Variants in FBXL7 observed in about 807,000 individuals in gnomAD.
FBXL7 encodes the protein F-box and leucine rich repeat protein 7, also known as F-box/LRR-repeat protein 7.
FBXL7 carries 12 observed loss-of-function variants against 38.3 expected under a neutral mutation model. The observed-to-expected ratio is 0.31, with a 90% CI of 0.20 to 0.51. The LOEUF (loss-of-function observed/expected upper bound fraction) is 0.51. Among genes scored for constraint, FBXL7 ranks in the 20% least tolerant of loss-of-function variants. The pLI, the probability that FBXL7 is intolerant of heterozygous loss-of-function variation, is 0.98. For missense variants in FBXL7, 567 were observed against 676.4 expected (o/e 0.84, Z 1.79); for synonymous variants, 297 against 300.9 (o/e 0.99, Z 0.13).
Position 15,838,604 on chromosome 5 carries a change from C to G in FBXL7, c.128-89286C>G, listed in dbSNP as rs1215418861. ...ATCCTCGTTGCTGAATGTAAAAGATCTGCAAGGATTTGTTTCTTTATATCA... is the reference window on the plus strand; with the variant it reads ...ATCCTCGTTGCTGAATGTAAAAGATGTGCAAGGATTTGTTTCTTTATATCA... On this transcript the variant is annotated intron_variant, in intron 2 of 3. Transcript: ENST00000504595. Among the ~76,000 whole-genome samples the G allele has an allele frequency of 3.3e-5, 5 of 152,192 alleles. No individual in the cohort carries two copies. In the South Asian group the frequency reaches 6.2e-4, roughly 19 times the overall value.
At chr5:15,567,720 A>G (rs1023082266) in intron 1 of FBXL7, among the ~76,000 whole-genome samples, 7 of 151,874 alleles carry the variant, frequency 4.6e-5, no homozygotes, top group Non-Finnish European at 7.4e-5. Flanking sequence ...AACATTAGGT[A>G]TATCTCCTAA....
rs116029241 is a variant in FBXL7, at chr5:15,632,938, C to T, written c.127+16866C>T. Among the ~76,000 whole-genome samples the T allele has an allele frequency of 2.5e-3, 381 of 152,232 alleles. 1 individual carries two copies. The highest frequency in any genetic ancestry group is 8.6e-3 in the African/African-American group (358 of 41,548). ...TACTAAGATCAGTCATATCCCAAAC[C>T]TGAACATCACACAATATACCCAAGT... On this transcript the variant is annotated intron_variant, in intron 2 of 3. Coordinates refer to ENST00000504595, the MANE Select transcript of FBXL7 (RefSeq NM_012304.5).
At chr5:15,613,005 AGTTTT>A (rs1326701770) in intron 1 of FBXL7, among the ~76,000 whole-genome samples, 2 of 152,188 alleles carry the variant, frequency 1.3e-5, no homozygotes, top group Non-Finnish European at 2.9e-5. Flanking sequence ...ATTTTGTTTT[AGTTTT>A]ATTATTGAAT....
intron 1 of FBXL7, among the ~76,000 whole-genome samples, chr5:15,550,671 C>T (rs932973063): frequency 2.6e-5 from 4 of 152,234 alleles, no homozygotes; most frequent in Non-Finnish European, 5.9e-5. Flanking sequence ...CTGCTTTAAA[C>T]CTTTGTATTT....
intron 2 of FBXL7, among the ~76,000 whole-genome samples, chr5:15,665,390 AC>A (rs1742236492): frequency 6.6e-6 from 1 of 152,118 alleles, no homozygotes; most frequent in Non-Finnish European, 1.5e-5. Flanking sequence ...ACCTATCTAT[AC>A]GGTGGCCACT....
At chr5:15,834,302 G>A (rs951212062) in intron 2 of FBXL7, among the ~76,000 whole-genome samples, 8 of 152,162 alleles carry the variant, frequency 5.3e-5, no homozygotes, top group African/African-American at 1.7e-4. Context: ...GATGTTACAT[G>A]TTAATATGCA....
intron 2 of FBXL7, among the ~76,000 whole-genome samples, chr5:15,912,984 A>T (rs1741478954): frequency 6.6e-6 from 1 of 152,168 alleles, no homozygotes; most frequent in Non-Finnish European, 1.5e-5. Context: ...AGAGAAATTA[A>T]ACAATGTTTA....
intron 2 of FBXL7, among the ~76,000 whole-genome samples, chr5:15,670,737 G>A (rs1742438929): frequency 6.6e-6 from 1 of 152,132 alleles, no homozygotes; most frequent in East Asian, 1.9e-4. Flanking sequence ...AGAGGTGGAG[G>A]TTGCAGTGAG....
At chr5:15,661,822 T>A (rs114043881) in intron 2 of FBXL7, among the ~76,000 whole-genome samples, 2,237 of 152,294 alleles carry the variant, frequency 0.015, 32 homozygotes, top group Middle Eastern at 0.037. Context: ...AAGGATATAT[T>A]ATGCCTCCAC....
chr5:15,729,231 C>A (rs1410181601), intron 2 of FBXL7, among the ~76,000 whole-genome samples: 1 of 152,024 alleles, frequency 6.6e-6, no homozygotes, highest in Non-Finnish European at 1.5e-5. Flanking sequence ...TGATCCGTGC[C>A]TTCATATATT....
At chr5:15,621,821 T>C (rs1389970226) in intron 2 of FBXL7, among the ~76,000 whole-genome samples, 1 of 152,244 alleles carries the variant, frequency 6.6e-6, no homozygotes, top group Non-Finnish European at 1.5e-5. Context: ...TTCTACACAT[T>C]GGTTATCAAA....
At position 15,928,640 on chromosome 5, in the gene FBXL7, C is replaced by A; in HGVS notation, c.739+139C>A. On this transcript the variant is annotated intron_variant, in intron 3 of 3. Transcript: ENST00000504595. The surrounding 1 kb of genome is among the most constrained non-coding windows in gnomAD (Gnocchi z 4.0). ...CGGGTGGTAGGGAGGCTGGCTTTTG[C>A]AGAGAAACTGTCTCTATGGAATCAT... is the stretch of plus-strand genomic sequence containing the variant. 1.9e-6 allele frequency: 2 copies of A among 1,068,584 alleles called. No individual in the cohort carries two copies. Among genetic ancestry groups the A allele is most frequent in the Non-Finnish European group, 2.7e-6 (2 of 748,614 alleles). The allele number at this position is 1,068,584 out of a possible 1,614,324, so 66.2% of individuals were successfully genotyped here.
chr5:15,932,421 G>C (rs1232579437), intron 3 of FBXL7, among the ~76,000 whole-genome samples: 1 of 152,126 alleles, frequency 6.6e-6, no homozygotes, highest in Admixed American at 6.5e-5. Context: ...GAGAGGAAGT[G>C]GTAATAAAGA....
At chr5:15,683,291 G>C (rs1742909954) in intron 2 of FBXL7, among the ~76,000 whole-genome samples, 1 of 152,152 alleles carries the variant, frequency 6.6e-6, no homozygotes, top group African/African-American at 2.4e-5. Flanking sequence ...AGTATATTTA[G>C]ATTCTCTTGG....
intron 1 of FBXL7, among the ~76,000 whole-genome samples, chr5:15,604,270 T>C (rs1445184870): frequency 6.6e-6 from 1 of 152,220 alleles, no homozygotes; most frequent in Non-Finnish European, 1.5e-5. Context: ...TTGATTTTAA[T>C]TGAGATTTTT....
intron 2 of FBXL7, among the ~76,000 whole-genome samples, chr5:15,843,535 G>A (rs1738806497): frequency 1.3e-5 from 2 of 152,284 alleles, no homozygotes; most frequent in South Asian, 4.1e-4. Context: ...AAGCCCCATA[G>A]TCTAAGAATG....
intron 2 of FBXL7, among the ~76,000 whole-genome samples, chr5:15,775,946 C>T (rs182215946): frequency 1.6e-4 from 25 of 152,170 alleles, no homozygotes; most frequent in African/African-American, 5.1e-4. Context: ...GAAGAGACTA[C>T]GTTTTTAACT....
At chr5:15,608,689 A>G (rs1740115444) in intron 1 of FBXL7, among the ~76,000 whole-genome samples, 3 of 152,244 alleles carry the variant, frequency 2.0e-5, no homozygotes, top group African/African-American at 7.2e-5. Flanking sequence ...ACTAAGAAAA[A>G]GAAATTCTGC....
At chr5:15,753,442 C>T (rs985063022) in intron 2 of FBXL7, among the ~76,000 whole-genome samples, 3 of 152,148 alleles carry the variant, frequency 2.0e-5, no homozygotes, top group African/African-American at 7.2e-5. Context: ...TGTGAGCATA[C>T]ATCAAAGGCT....
Sources: gnomAD v4.1 joint callset for allele counts (sites outside exome capture counted in the v4.1 genomes callset) on GRCh38, gnomAD v4.1.1 for gene constraint, Gnocchi (gnomAD v3.1) non-coding constraint, MANE v1.5 for transcripts, NCBI Gene and HGNC (gene_info 2026-07-23, HGNC 2026-07-21) for gene names.